The following RYR2 variants were observed in gnomAD, a reference collection of about 807,000 sequenced individuals.
The protein encoded by RYR2 is ryanodine receptor 2, also known as cardiac muscle ryanodine receptor-calcium release channel.
A neutral mutation model predicts 601.1 loss-of-function variants in RYR2; 227 were observed. The observed-to-expected ratio is 0.38, with a 90% CI of 0.34 to 0.42. The LOEUF is 0.42. Among genes scored for constraint, RYR2 ranks in the 10% least tolerant of loss-of-function variants. RYR2 has a pLI of 1.00. For synonymous variants in RYR2, 2,223 were observed against 2,175.1 expected (o/e 1.02, Z -0.61); for missense variants, 4,646 against 6,156.5 (o/e 0.75, Z 8.21).
chr1:237,822,936 A>G (rs913173520), intron 101 of RYR2, among the ~76,000 whole-genome samples: 16 of 152,192 alleles, frequency 1.1e-4, no homozygotes, highest in African/African-American at 3.9e-4. Flanking sequence ...CAAAAGAGAC[A>G]AGGGCATTAC....
In RYR2 at chr1:237,621,381, G is replaced by A. The variant is rs535414820; in HGVS notation, c.5917-2384G>A. Among the ~76,000 whole-genome samples the A allele has an allele frequency of 7.0e-4, 106 of 152,062 alleles. 1 individual carries two copies. Among genetic ancestry groups the A allele is most frequent in the African/African-American group, 2.4e-3 (100 of 41,494 alleles). On this transcript the variant is annotated intron_variant, in intron 38 of 104. Transcript: ENST00000366574. ...AAACAAAGAGTAAAATAAACCTAAA[G>A]CAAGCAGAAAGAAGTCACTAATGTA...
chr1:237,661,435 T>C (rs1204083465), intron 56 of RYR2, among the ~76,000 whole-genome samples: 2 of 152,116 alleles, frequency 1.3e-5, no homozygotes, highest in African/African-American at 4.8e-5. Flanking sequence ...TTGTGGCACG[T>C]GTATACCTAT....
At chr1:237,276,131 G>A (rs535726916) in intron 2 of RYR2, among the ~76,000 whole-genome samples, 5 of 152,024 alleles carry the variant, frequency 3.3e-5, no homozygotes, top group African/African-American at 4.8e-5. Context: ...ATGGAGTCTC[G>A]CTCTGTTGCC....
At chr1:237,096,432 G>A (rs1349621388) in intron 1 of RYR2, among the ~76,000 whole-genome samples, 1 of 152,112 alleles carries the variant, frequency 6.6e-6, no homozygotes, top group Admixed American at 6.6e-5. Flanking sequence ...TTATGAGAAT[G>A]GTTTCTTTAC....
chr1:237,420,633 A>G (rs562758763), intron 11 of RYR2, among the ~76,000 whole-genome samples: 12 of 152,170 alleles, frequency 7.9e-5, no homozygotes, highest in Non-Finnish European at 1.6e-4. Context: ...GTTTTGCCAA[A>G]AACTGGCCAC....
chr1:237,477,993 A>G (rs1309163924), intron 17 of RYR2, among the ~76,000 whole-genome samples: 3 of 152,194 alleles, frequency 2.0e-5, no homozygotes, highest in Non-Finnish European at 4.4e-5. Context: ...TTTGGCACCC[A>G]TGAAAGGTAC....
At chr1:237,054,581 T>C (rs919761746) in intron 1 of RYR2, among the ~76,000 whole-genome samples, 19 of 152,298 alleles carry the variant, frequency 1.2e-4, no homozygotes, top group African/African-American at 3.6e-4. Context: ...AGTGGGTTTA[T>C]TCTTCTCAAG....
chr1:237,572,150 A>G (rs527985274), intron 29 of RYR2, among the ~76,000 whole-genome samples: 2 of 152,042 alleles, frequency 1.3e-5, no homozygotes, highest in East Asian at 1.9e-4. Context: ...CCTTTCTCTG[A>G]TATTGGTTTT....
chr1:237,602,953 T>C (rs1397337663), intron 35 of RYR2, among the ~76,000 whole-genome samples: 1 of 152,140 alleles, frequency 6.6e-6, no homozygotes, highest in Non-Finnish European at 1.5e-5. Flanking sequence ...ATTAGAGCCA[T>C]GGAAGTCAGA....
At chr1:237,099,146 T>G (rs1251691968) in intron 1 of RYR2, among the ~76,000 whole-genome samples, 4 of 151,420 alleles carry the variant, frequency 2.6e-5, no homozygotes, top group Non-Finnish European at 1.5e-5. Flanking sequence ...AGCATACATA[T>G]AACATTTAAG....
chr1:237,394,144 C>T (rs1421512700), intron 10 of RYR2, among the ~76,000 whole-genome samples: 2 of 152,056 alleles, frequency 1.3e-5, no homozygotes, highest in African/African-American at 2.4e-5. Context: ...CAATATCTTT[C>T]AGAAGAAAAA....
intron 21 of RYR2, among the ~76,000 whole-genome samples, chr1:237,501,222 G>C (rs1442081824): frequency 6.7e-6 from 1 of 148,288 alleles, no homozygotes; most frequent in Non-Finnish European, 1.5e-5. Flanking sequence ...GAGCAAGGCT[G>C]TTTTAAAAAA....
chr1:237,438,875 T>G (rs1016941536), intron 12 of RYR2, among the ~76,000 whole-genome samples: 7 of 152,232 alleles, frequency 4.6e-5, no homozygotes, highest in African/African-American at 1.7e-4. Flanking sequence ...TTAAGTCAAT[T>G]CTTAAAAGGA....
chr1:237,790,761 C>T (rs1209216537), intron 92 of RYR2, among the ~76,000 whole-genome samples: 1 of 152,118 alleles, frequency 6.6e-6, no homozygotes, highest in African/African-American at 2.4e-5. Flanking sequence ...ATATCCCACA[C>T]TAGGAAATGG....
intron 10 of RYR2, among the ~76,000 whole-genome samples, chr1:237,394,914 G>A (rs1271456833): frequency 6.6e-6 from 1 of 152,174 alleles, no homozygotes; most frequent in East Asian, 1.9e-4. Context: ...ATGGCAGAAG[G>A]CGAATGGGAA....
intron 1 of RYR2, among the ~76,000 whole-genome samples, chr1:237,072,767 C>T (rs753731124): frequency 3.0e-4 from 45 of 151,796 alleles, no homozygotes; most frequent in Non-Finnish European, 4.6e-4. Flanking sequence ...GGCAATATTG[C>T]GAAACCCCGA....
chr1:237,677,235 A>G (rs1685479979), intron 60 of RYR2, among the ~76,000 whole-genome samples: 1 of 152,162 alleles, frequency 6.6e-6, no homozygotes, highest in African/African-American at 2.4e-5. Context: ...CTGCTTACAA[A>G]TTTTACTAAA....
At chr1:237,181,391 A>G (rs1678743031) in intron 1 of RYR2, among the ~76,000 whole-genome samples, 2 of 152,152 alleles carry the variant, frequency 1.3e-5, no homozygotes, top group Non-Finnish European at 1.5e-5. Context: ...TTCTTTACTC[A>G]AGGTCAACCT....
intron 100 of RYR2, among the ~76,000 whole-genome samples, chr1:237,814,106 A>C (rs1307545069): frequency 6.6e-6 from 1 of 152,206 alleles, no homozygotes; most frequent in East Asian, 1.9e-4. Context: ...GCGTCCAAAC[A>C]CTTACTTTTA....
Sources: allele counts gnomAD v4.1 joint callset (sites outside exome capture counted in the v4.1 genomes callset), GRCh38; gene constraint gnomAD v4.1.1; transcripts MANE v1.5; gene names NCBI Gene and HGNC (gene_info 2026-07-23, HGNC 2026-07-21).